ROCK1: variants seen among roughly 807,000 people sequenced by gnomAD.
ROCK1 encodes the protein Rho associated coiled-coil containing protein kinase 1, also known as rho-associated protein kinase 1.
In ROCK1, 36 loss-of-function variants were observed where a neutral mutation model predicts 196.8. The observed-to-expected ratio is 0.18, with a 90% CI of 0.14 to 0.24. The LOEUF is 0.24. ROCK1 is among the 10% of genes least tolerant of loss of function. ROCK1 has a pLI of 1.00. For synonymous variants in ROCK1, 443 were observed against 515.9 expected, an observed-to-expected ratio of 0.86 and a Z score of 1.91; for missense variants, 920 against 1,562.0, an observed-to-expected ratio of 0.59 and a Z score of 6.93.
Position 20,968,899 on chromosome 18 carries a change from A to C in ROCK1, c.2915-39T>G. 4 of 1,317,586 alleles carry C rather than the reference A, an allele frequency of 3.0e-6. No individual in the cohort carries two copies. In the Admixed American group the frequency reaches 5.2e-5, roughly 17 times the overall value. The allele number at this position is 1,317,586 out of a possible 1,614,324, so 81.6% of individuals were successfully genotyped here. ...ATATTAAATGTTATTGTATGGTATT[A>C]ATTTAATTTCTGCATTTCAAACTAA... On this transcript the variant is annotated intron_variant, in intron 24 of 32. Coordinates refer to ENST00000399799, the MANE Select transcript of ROCK1 (RefSeq NM_005406.3).
intron 29 of ROCK1, among the ~76,000 whole-genome samples, chr18:20,959,290 C>A (rs1456039379): frequency 7.2e-6 from 1 of 138,564 alleles, no homozygotes; most frequent in Non-Finnish European, 1.5e-5. Context: ...AGGCTCACTG[C>A]AACCTCTGCC....
intron 1 of ROCK1, among the ~76,000 whole-genome samples, chr18:21,091,402 A>G (rs1386915298): frequency 6.6e-6 from 1 of 151,920 alleles, no homozygotes; most frequent in Non-Finnish European, 1.5e-5. Flanking sequence ...CAGGAGTTCA[A>G]GACCAGCCTG....
At chr18:20,992,697 A>T (rs1228438315) in intron 17 of ROCK1, 134 bp downstream of exon 17, 2 of 579,782 alleles carry the variant, frequency 3.4e-6, no homozygotes, top group East Asian at 2.9e-5. Flanking sequence ...CATACAACCA[A>T]TCAAACATAA....
At chr18:21,110,363 A>C (rs144739357) in intron 1 of ROCK1, among the ~76,000 whole-genome samples, 2 of 152,338 alleles carry the variant, frequency 1.3e-5, no homozygotes, top group East Asian at 3.9e-4. Context: ...ATTCTCCGTT[A>C]TCATTTTCAA....
intron 15 of ROCK1, 26 bp from the exon 16 acceptor site, chr18:21,006,623 A>G (rs1235267074): frequency 5.6e-6 from 9 of 1,602,976 alleles, no homozygotes; most frequent in Non-Finnish European, 7.6e-6. Context: ...GCAAAAAAAT[A>G]GGTTTCTGAC....
chr18:21,039,998 A>G (rs954227014), intron 8 of ROCK1, among the ~76,000 whole-genome samples: 2 of 152,208 alleles, frequency 1.3e-5, no homozygotes, highest in Non-Finnish European at 2.9e-5. Flanking sequence ...CAGAGGCTAC[A>G]GTGAGCTGAG....
intron 29 of ROCK1, 68 bp from the exon 30 acceptor site, chr18:20,955,313 G>C: frequency 7.9e-7 from 1 of 1,271,552 alleles, no homozygotes; most frequent in South Asian, 1.5e-5. Flanking sequence ...TCACTAAAGA[G>C]GACATATGGG....
At chr18:21,043,324 T>G (rs1269704525) in intron 6 of ROCK1, among the ~76,000 whole-genome samples, 5 of 152,042 alleles carry the variant, frequency 3.3e-5, no homozygotes, top group Non-Finnish European at 7.4e-5. Context: ...GATGTGAATT[T>G]TAACTGCCCT....
At chr18:21,020,470 G>A (rs550694497) in intron 11 of ROCK1, among the ~76,000 whole-genome samples, 1 of 152,196 alleles carries the variant, frequency 6.6e-6, no homozygotes, top group East Asian at 1.9e-4. Context: ...CTGTTCTCAT[G>A]AAGCAAATAG....
At chr18:21,062,251 G>A (rs778755041) in intron 2 of ROCK1, among the ~76,000 whole-genome samples, 1 of 152,150 alleles carries the variant, frequency 6.6e-6, no homozygotes, top group African/African-American at 2.4e-5. Context: ...GGAGCATCGT[G>A]TAATGCCAGA....
At chr18:21,055,048 A>C (rs1399285801) in intron 2 of ROCK1, among the ~76,000 whole-genome samples, 1 of 152,150 alleles carries the variant, frequency 6.6e-6, no homozygotes, top group Non-Finnish European at 1.5e-5. Context: ...TAGCCAGCTT[A>C]AATTACATGG....
At chr18:21,098,610 G>T (rs1260949257) in intron 1 of ROCK1, among the ~76,000 whole-genome samples, 1 of 139,856 alleles carries the variant, frequency 7.2e-6, no homozygotes, top group Non-Finnish European at 1.5e-5. Flanking sequence ...AAATGCAGAA[G>T]CAAAGTCTAA....
At chr18:21,070,285 T>G (rs1240329991) in intron 2 of ROCK1, among the ~76,000 whole-genome samples, 1 of 152,180 alleles carries the variant, frequency 6.6e-6, no homozygotes, top group Non-Finnish European at 1.5e-5. Flanking sequence ...TGTGCAGTTA[T>G]TCAAACTCAA....
At chr18:21,018,197 A>G (rs1461919003) in intron 12 of ROCK1, among the ~76,000 whole-genome samples, 1 of 151,828 alleles carries the variant, frequency 6.6e-6, no homozygotes, top group African/African-American at 2.4e-5. Flanking sequence ...CCTACTCACC[A>G]TTACTACCAG....
At chr18:21,097,156 TAAGTA>T (rs1598562047) in intron 1 of ROCK1, among the ~76,000 whole-genome samples, 1 of 152,118 alleles carries the variant, frequency 6.6e-6, no homozygotes, top group African/African-American at 2.4e-5. Flanking sequence ...GAATAAAGAC[TAAGTA>T]AATAGGTACA....
chr18:21,088,772 T>C (rs965897518), intron 1 of ROCK1, among the ~76,000 whole-genome samples: 3 of 152,066 alleles, frequency 2.0e-5, no homozygotes, highest in African/African-American at 7.2e-5. Flanking sequence ...TTTTTGTCCT[T>C]TTGCCTTCTA....
intron 22 of ROCK1, among the ~76,000 whole-genome samples, chr18:20,971,621 C>A: frequency 6.6e-6 from 1 of 150,868 alleles, no homozygotes; most frequent in East Asian, 1.9e-4. Context: ...CCTGTAATCC[C>A]GGCTACTTGG....
chr18:21,006,692 C>T lies in ROCK1; in HGVS notation c.1638+7G>A. On this transcript the variant is annotated splice_region_variant and intron_variant, in intron 15 of 32. Transcript: ENST00000399799. ...TTTTAAAAAGGAACCTCATTTGAAA[C>T]ACTTACCTGCTTTTGTAACTGGGAC... 1 of 1,591,720 alleles carries T rather than the reference C, an allele frequency of 6.3e-7. No homozygotes were observed. Among genetic ancestry groups the T allele is most frequent in the Non-Finnish European group, 8.5e-7 (1 of 1,173,810 alleles).
chr18:20,996,242 C>T (rs2035669172), intron 16 of ROCK1, among the ~76,000 whole-genome samples: 1 of 152,060 alleles, frequency 6.6e-6, no homozygotes, highest in South Asian at 2.1e-4. Context: ...AAGAATCAAG[C>T]TGAAATTCCG....
Sources: gnomAD v4.1 joint callset for allele counts (sites outside exome capture counted in the v4.1 genomes callset) on GRCh38, gnomAD v4.1.1 for gene constraint, MANE v1.5 for transcripts, NCBI Gene and HGNC (gene_info 2026-07-23, HGNC 2026-07-21) for gene names.